The following PTPRS variants were observed in gnomAD, a reference collection of about 807,000 sequenced individuals.
PTPRS encodes receptor-type tyrosine-protein phosphatase S.
In PTPRS, 63 loss-of-function variants were observed where a neutral mutation model predicts 215.3. That is an observed-to-expected ratio of 0.29 (90% CI 0.24 to 0.36). The LOEUF (loss-of-function observed/expected upper bound fraction) is 0.36. Ranked by LOEUF, PTPRS falls within the 10% of genes least tolerant of loss-of-function variation. The pLI, the probability that PTPRS is intolerant of heterozygous loss-of-function variation, is 1.00. For missense variants in PTPRS, 2,258 were observed against 2,825.8 expected (o/e 0.80, Z 4.56); for synonymous variants, 1,404 against 1,191.4 (o/e 1.18, Z -3.68).
At position 5,274,183 on chromosome 19, in the gene PTPRS, C is replaced by T. The variant is rs372001021; in HGVS notation, c.237+16G>A. 7.5e-6 allele frequency: 12 copies of T among 1,601,954 alleles called. No homozygotes were observed. The highest frequency in any genetic ancestry group is 6.7e-5 in the African/African-American group (5 of 74,654). The stretch of plus-strand genomic sequence containing the variant: ...GGAGCATTGACCCCAGGCTGCCTCC[C>T]CCTACCCCAACTCACCTCAAAGCGC... On this transcript the variant is annotated intron_variant, in intron 3 of 37. Transcript: ENST00000262963.
At chr19:5,227,563 C>T (rs540710153) in intron 16 of PTPRS, among the ~76,000 whole-genome samples, 50 of 152,008 alleles carry the variant, frequency 3.3e-4, no homozygotes, top group Admixed American at 8.5e-4. Flanking sequence ...TACAGGCATG[C>T]GCCACCACGC....
intron 4 of PTPRS, among the ~76,000 whole-genome samples, chr19:5,271,726 T>C (rs959264048): frequency 2.0e-5 from 3 of 150,794 alleles, no homozygotes; most frequent in Non-Finnish European, 2.9e-5. Context: ...CATTCATTCA[T>C]TCATTCATTT....
chr19:5,317,659 G>A (rs1405386524), intron 1 of PTPRS, among the ~76,000 whole-genome samples: 1 of 152,180 alleles, frequency 6.6e-6, no homozygotes, highest in African/African-American at 2.4e-5. Context: ...ACAGGGCAGG[G>A]CAGGGCCCAA....
At chr19:5,243,800 C>T (rs1456324566) in intron 11 of PTPRS, 101 bp downstream of exon 11, 1 of 1,037,350 alleles carries the variant, frequency 9.6e-7, no homozygotes, top group East Asian at 2.8e-5. Flanking sequence ...TATCTTAAAG[C>T]ACCGTGCATA....
intron 1 of PTPRS, among the ~76,000 whole-genome samples, chr19:5,306,084 CATCT>C (rs2049484212): frequency 1.3e-5 from 2 of 151,472 alleles, no homozygotes; most frequent in African/African-American, 4.9e-5. Flanking sequence ...CTGCCATTAC[CATCT>C]ATCTTTGTGT....
chr19:5,324,719 C>T (rs980484493), intron 1 of PTPRS, among the ~76,000 whole-genome samples: 1 of 152,158 alleles, frequency 6.6e-6, no homozygotes, highest in Admixed American at 6.5e-5. Flanking sequence ...TCCTTATCTG[C>T]GAAAGTGGGG....
chr19:5,210,940 G>A lies in PTPRS; in HGVS notation c.5235-135C>T, dbSNP rs1041612854. 2 of 1,234,124 alleles carry A rather than the reference G, an allele frequency of 1.6e-6. No individual in the cohort carries two copies. Among genetic ancestry groups the A allele is most frequent in the African/African-American group, 1.5e-5 (1 of 66,024 alleles). 76.4% of individuals were successfully genotyped at this position (1,234,124 alleles called of 1,614,324 possible). On this transcript the variant is annotated intron_variant, in intron 33 of 37. Transcript: ENST00000262963. This position sits in a 1 kb window ranked among gnomAD's most constrained non-coding sequence, Gnocchi z 4.5. ...ACCCCACTGCCTGCCAGGAATGGCTGCTGGGTGCACCACTTCCCCTCCTGG... is the reference window on the plus strand; with the variant it reads ...ACCCCACTGCCTGCCAGGAATGGCTACTGGGTGCACCACTTCCCCTCCTGG...
chr19:5,222,447 TGGAGGA>T (rs987279158), intron 18 of PTPRS, among the ~76,000 whole-genome samples: 1 of 23,416 alleles, frequency 4.3e-5, no homozygotes, highest in African/African-American at 1.8e-4. Flanking sequence ...AGAAAGAAGG[TGGAGGA>T]GGAGGAAGAG....
chr19:5,315,793 A>AT (rs970651369), intron 1 of PTPRS, among the ~76,000 whole-genome samples: 12 of 116,164 alleles, frequency 1.0e-4, no homozygotes, highest in South Asian at 8.0e-4. Context: ...CACCTAGCTA[A>AT]TTTTTTTTTT....
rs1225503543 is a variant in PTPRS at position 5,245,751 on chromosome 19, T to C, written c.988+25A>G. ...ATCGACTCCAGCCTGCCCCTCCACC[T>C]ACGAGCCCCATGGGCCCTGCTCACA... On this transcript the variant is annotated intron_variant, in intron 10 of 37. Transcript: ENST00000262963. The C allele has an allele frequency of 2.6e-6, 4 of 1,543,924 alleles. No individual in the cohort carries two copies. The African/African-American group carries it at 4.1e-5, about 16-fold the overall frequency.
intron 1 of PTPRS, among the ~76,000 whole-genome samples, chr19:5,328,335 C>T (rs1369653970): frequency 1.3e-5 from 2 of 152,042 alleles, no homozygotes; most frequent in African/African-American, 2.4e-5. Flanking sequence ...GTCTCAAACT[C>T]CTGACCTCAG....
At chr19:5,232,144 T>C (rs2043071060) in intron 13 of PTPRS, among the ~76,000 whole-genome samples, 1 of 151,986 alleles carries the variant, frequency 6.6e-6, no homozygotes, top group South Asian at 2.1e-4. Flanking sequence ...CTCCACTTAT[T>C]AGGTACCTAC....
chr19:5,226,397 T>A (rs548303942), intron 16 of PTPRS, among the ~76,000 whole-genome samples: 1 of 152,288 alleles, frequency 6.6e-6, no homozygotes, highest in South Asian at 2.1e-4. Context: ...TTTTCAGGAA[T>A]TTTGTGAGCC....
chr19:5,246,555 C>G (rs1428577611), intron 9 of PTPRS, among the ~76,000 whole-genome samples: 1 of 152,192 alleles, frequency 6.6e-6, no homozygotes, highest in East Asian at 1.9e-4. Flanking sequence ...CTGGAAGATT[C>G]TGGCTGCCAA....
intron 17 of PTPRS, among the ~76,000 whole-genome samples, chr19:5,224,687 C>G (rs1422664897): frequency 1.3e-5 from 2 of 152,122 alleles, no homozygotes; most frequent in African/African-American, 4.8e-5. Flanking sequence ...GCAAACACAG[C>G]TCTAATACAA....
At chr19:5,307,658 C>T (rs1037766675) in intron 1 of PTPRS, among the ~76,000 whole-genome samples, 16 of 152,152 alleles carry the variant, frequency 1.1e-4, no homozygotes, top group Non-Finnish European at 1.8e-4. Context: ...TAGCCACGAG[C>T]CGTATGTGGC....
chr19:5,219,473 G>A lies in PTPRS; in HGVS notation c.3766-6C>T, dbSNP rs1392937812. ...AAGGGACTGGCTGCAAAGGTCTGCA[G>A]GGAAAGGAGGGGGGTCTCCATCAGT... is the stretch of plus-strand genomic sequence containing the variant. On this transcript the variant is annotated splice_polypyrimidine_tract_variant and splice_region_variant and intron_variant, in intron 22 of 37. Transcript: ENST00000262963. The A allele has an allele frequency of 1.2e-5, 18 of 1,562,104 alleles. No individual in the cohort carries two copies. Among genetic ancestry groups the A allele is most frequent in the Admixed American group, 3.7e-5 (2 of 53,756 alleles).
At chr19:5,233,802 C>T (rs1262841626) in intron 13 of PTPRS, among the ~76,000 whole-genome samples, 2 of 151,162 alleles carry the variant, frequency 1.3e-5, no homozygotes, top group Admixed American at 6.6e-5. Flanking sequence ...AAAAACTAGC[C>T]GGGCATGGTG....
At chr19:5,235,733 T>G (rs1470159605) in intron 13 of PTPRS, among the ~76,000 whole-genome samples, 1 of 152,166 alleles carries the variant, frequency 6.6e-6, no homozygotes, top group Non-Finnish European at 1.5e-5. Flanking sequence ...CCAATCCATA[T>G]GTAGATTTAA....
Sources: gnomAD v4.1 joint callset for allele counts (sites outside exome capture counted in the v4.1 genomes callset) on GRCh38, gnomAD v4.1.1 for gene constraint, Gnocchi (gnomAD v3.1) non-coding constraint, MANE v1.5 for transcripts, NCBI Gene and HGNC (gene_info 2026-07-23, HGNC 2026-07-21) for gene names.